The following SUN1 variants were observed in gnomAD, a reference collection of about 807,000 sequenced individuals.
The protein encoded by SUN1 is Sad1 and UNC84 domain containing 1, also known as SUN domain-containing protein 1.
A neutral mutation model predicts 103.2 loss-of-function variants in SUN1; 61 were observed. The observed-to-expected ratio is 0.59, with a 90% CI of 0.48 to 0.73. The LOEUF (loss-of-function observed/expected upper bound fraction) is 0.73. Ranked by LOEUF, SUN1 falls within the 30% of genes least tolerant of loss-of-function variation. SUN1 has a pLI of 0.00. For synonymous variants in SUN1, 490 were observed against 425.7 expected, an observed-to-expected ratio of 1.15 and a Z score of -1.86; for missense variants, 1,052 against 1,034.6, an observed-to-expected ratio of 1.02 and a Z score of -0.23.
intron 16 of SUN1, chr7:868,500 C>G (rs1464347647): frequency 3.4e-6 from 1 of 296,804 alleles, no homozygotes; most frequent in African/African-American, 2.3e-5. Flanking sequence ...GATGGGGGGG[C>G]AGTGCTGGTT....
chr7:848,455 G>T (rs1280075181), intron 5 of SUN1: 1 of 1,362,556 alleles, frequency 7.3e-7, no homozygotes, highest in East Asian at 4.6e-5. Context: ...TTTTGTGGCT[G>T]GCCAGATACA....
rs1350171681 is a variant in SUN1, at chr7:824,987, A to G, written c.-74+8314A>G. On this transcript the variant is annotated intron_variant, in intron 1 of 17. Coordinates refer to the SUN1 transcript ENST00000389574. ...TGGGAGACCTTGAATTGGACCCCAG[A>G]GGACTGTCTGCCTGTCCTGCCTCAC... Among the ~76,000 whole-genome samples, 4 of 152,092 alleles carry G rather than the reference A, an allele frequency of 2.6e-5. No homozygotes were observed. The East Asian group carries it at 7.7e-4, about 29-fold the overall frequency.
intron 5 of SUN1, 110 bp downstream of exon 5, chr7:843,630 C>A: frequency 1.3e-6 from 2 of 1,594,678 alleles, no homozygotes; most frequent in Non-Finnish European, 1.7e-6. Flanking sequence ...TTAAAATTAT[C>A]CCTTGAAAGC....
chr7:858,092 G>C, intron 13 of SUN1, 135 bp downstream of exon 13: 1 of 1,146,218 alleles, frequency 8.7e-7, no homozygotes, highest in South Asian at 1.9e-5. Flanking sequence ...GCTGTGGCAC[G>C]CAGGCTAGAC....
chr7:865,363 G>C (rs1180708619), intron 15 of SUN1, among the ~76,000 whole-genome samples: 1 of 152,076 alleles, frequency 6.6e-6, no homozygotes, highest in African/African-American at 2.4e-5. Context: ...CACCGGCCTC[G>C]GCCTCCCAAA....
Position 856,406 on chromosome 7 carries a change from G to C in SUN1, c.1394+5G>C. ...GACCAAGCAAAAAACAATCAGGTAG[G>C]AGGATTTGGAAAACATTCACTTTTG... On this transcript the variant is annotated splice_donor_5th_base_variant and intron_variant, in intron 12 of 18. Transcript: ENST00000401592. 1 of 1,614,042 alleles carries C rather than the reference G, an allele frequency of 6.2e-7. No individual in the cohort carries two copies. Among genetic ancestry groups the C allele is most frequent in the East Asian group, 2.2e-5 (1 of 44,882 alleles).
Position 832,569 on chromosome 7 carries a change from G to A in SUN1, c.45G>A (p.Val15=). 6.2e-7 allele frequency: 1 copy of A among 1,613,028 alleles called. No homozygotes were observed. The change falls in exon 1 of 19, where the codon GTG becomes GTA. Residue 15 remains valine (V), a synonymous_variant. Transcript: ENST00000401592. ...ACATGTACAGTCCTCCCCAGTGTGT[G>A]CCGGAGAACACGGGCTACACGTATG... ...RLHMYSPPQC[V]PENTGYTYAL... is the part of the protein sequence containing the mutation.
intron 14 of SUN1, 96 bp downstream of exon 14, chr7:860,478 T>G: frequency 6.5e-7 from 1 of 1,547,978 alleles, no homozygotes; most frequent in East Asian, 2.3e-5. Context: ...TGTCTTGTTT[T>G]AAGAGTGGTC....
intron 5 of SUN1, chr7:843,955 C>T (rs913128612): frequency 9.7e-7 from 1 of 1,027,348 alleles, no homozygotes; most frequent in South Asian, 3.0e-5. Context: ...GGTCGCTAGC[C>T]CTGTGCTTAT....
intron 1 of SUN1, among the ~76,000 whole-genome samples, chr7:824,802 C>T (rs900603468): frequency 3.3e-5 from 5 of 151,764 alleles, no homozygotes; most frequent in African/African-American, 1.2e-4. Context: ...AACTATCTGT[C>T]GATATGGCTT....
At position 851,945 on chromosome 7, in the gene SUN1, T is replaced by C. The variant is rs1822623008; in HGVS notation, c.758-5T>C. 1.2e-6 allele frequency: 2 copies of C among 1,613,484 alleles called. No homozygotes were observed. The highest frequency in any genetic ancestry group is 1.3e-5 in the African/African-American group (1 of 74,894). ...CCTTAGAATGTTTGGTGTTTTCTCT[T>C]GTAGGGAAGGCAGCCTCTGGAGTGT... On this transcript the variant is annotated splice_region_variant and splice_polypyrimidine_tract_variant and intron_variant, in intron 6 of 18. Transcript: ENST00000401592.
chr7:868,462 A>T (rs1296491343), intron 16 of SUN1: 49 of 296,634 alleles, frequency 1.7e-4, no homozygotes, highest in Non-Finnish European at 2.6e-4. Flanking sequence ...TTCCCAGGGC[A>T]TCAGCAGCTG....
chr7:823,627 C>G (rs1297575298), intron 1 of SUN1, among the ~76,000 whole-genome samples: 1 of 152,134 alleles, frequency 6.6e-6, no homozygotes, highest in African/African-American at 2.4e-5. Context: ...TGTGTGCAGG[C>G]AGCCATGGGG....
At chr7:867,598 T>G (rs1838029708) in intron 16 of SUN1, among the ~76,000 whole-genome samples, 1 of 152,130 alleles carries the variant, frequency 6.6e-6, no homozygotes, top group African/African-American at 2.4e-5. Flanking sequence ...CCTGGCACAG[T>G]TCTCTCTCAG....
At chr7:851,205 CA>C (rs1357890476) in intron 5 of SUN1, 178 bp from the exon 6 acceptor site, 1 of 505,488 alleles carries the variant, frequency 2.0e-6, no homozygotes, top group African/African-American at 1.9e-5. Flanking sequence ...ATGGTCATGT[CA>C]GTGCAATATT....
Position 843,475 on chromosome 7 carries a change from C to T in SUN1, c.613C>T (p.Pro205Ser), listed in dbSNP as rs912561766. 1 of 1,614,082 alleles carries T rather than the reference C, an allele frequency of 6.2e-7. No individual in the cohort carries two copies. The highest frequency in any genetic ancestry group is 1.7e-5 in the Admixed American group (1 of 60,032). Residue 205 changes from proline to serine, a missense_variant, in exon 5 of 19, where the codon CCC becomes TCC. Physicochemically the swap from Pro to Ser is moderately conservative, Grantham distance 74. Coordinates refer to ENST00000401592, the MANE Select transcript of SUN1 (RefSeq NM_001130965.3). ...CGTGCTCACGGCGCACCCCGCGGCC[C>T]CCGGGCCCGTGTCGAGAGTTTATTC... ...KDVLTAHPAA[P>S]GPVSRVYSRD...
At chr7:825,386 A>G (rs1409862175) in intron 1 of SUN1, among the ~76,000 whole-genome samples, 1 of 152,222 alleles carries the variant, frequency 6.6e-6, no homozygotes, top group Non-Finnish European at 1.5e-5. Flanking sequence ...TAAAAATTAT[A>G]AAACCAATAC....
At chr7:828,570 C>G (rs1249230266), upstream of SUN1, among the ~76,000 whole-genome samples, 1 of 152,224 alleles carries the variant, frequency 6.6e-6, no homozygotes, top group African/African-American at 2.4e-5. Context: ...CCATGCCCGG[C>G]TGGATGTATA....
upstream of SUN1, chr7:816,034 AC>A (rs1308543559): frequency 1.0e-5 from 2 of 200,944 alleles, no homozygotes; most frequent in African/African-American, 5.5e-5. Flanking sequence ...GGAGATGCAG[AC>A]CCCTCCCCCG....
Sources: gnomAD v4.1 joint callset for allele counts (sites outside exome capture counted in the v4.1 genomes callset) on GRCh38, gnomAD v4.1.1 for gene constraint, MANE v1.5 for transcripts, NCBI Gene and HGNC (gene_info 2026-07-23, HGNC 2026-07-21) for gene names.